The following PCBP3 variants were observed in gnomAD, a reference collection of about 807,000 sequenced individuals.
PCBP3 encodes poly(rC) binding protein 3, also known as poly(rC)-binding protein 3.
PCBP3 carries 25 observed loss-of-function variants against 52.7 expected under a neutral mutation model. The ratio of observed to expected loss-of-function variants is 0.47; its 90% CI spans 0.35 to 0.66. The LOEUF is 0.66. Ranked by LOEUF, PCBP3 falls within the 30% of genes least tolerant of loss-of-function variation. The probability of loss-of-function intolerance (pLI) is 0.01; values close to 1 mark genes in which losing one functional copy is unlikely to be tolerated. For missense variants in PCBP3, 391 were observed against 490.3 expected, an observed-to-expected ratio of 0.80 and a Z score of 1.91; for synonymous variants, 162 against 183.0, an observed-to-expected ratio of 0.89 and a Z score of 0.93.
At chr21:45,806,283 C>A (rs1186297156) in intron 4 of PCBP3, among the ~76,000 whole-genome samples, 1 of 152,128 alleles carries the variant, frequency 6.6e-6, no homozygotes, top group Non-Finnish European at 1.5e-5. Flanking sequence ...GAGACTCGAG[C>A]AGGGTGGGAG....
At chr21:45,739,604 CAG>C (rs2086250978) in intron 3 of PCBP3, among the ~76,000 whole-genome samples, 2 of 48,556 alleles carry the variant, frequency 4.1e-5, no homozygotes, top group African/African-American at 2.6e-4. Context: ...CCATCTTCAT[CAG>C]CCCACCCCTT....
chr21:45,835,455 C>T (rs2093561700), intron 4 of PCBP3, among the ~76,000 whole-genome samples: 1 of 152,158 alleles, frequency 6.6e-6, no homozygotes, highest in African/African-American at 2.4e-5. Context: ...CCCTGCCGGC[C>T]GTCAGCTCCT....
intron 2 of PCBP3, among the ~76,000 whole-genome samples, chr21:45,706,217 A>T (rs2083441225): frequency 6.6e-6 from 1 of 152,198 alleles, no homozygotes; most frequent in Admixed American, 6.5e-5. Context: ...AGCAGTGTCC[A>T]GGTCCCCTAA....
chr21:45,801,287 C>T (rs2092292980), intron 4 of PCBP3, among the ~76,000 whole-genome samples: 1 of 152,246 alleles, frequency 6.6e-6, no homozygotes, highest in Non-Finnish European at 1.5e-5. Context: ...CCTCTGTCCC[C>T]ACTCACAGCC....
At chr21:45,930,382 A>G (rs2076026127) in intron 14 of PCBP3, among the ~76,000 whole-genome samples, 1 of 152,130 alleles carries the variant, frequency 6.6e-6, no homozygotes, top group Non-Finnish European at 1.5e-5. Context: ...GAGCAAGAGC[A>G]CAGCTGACGT....
In PCBP3 at chr21:45,850,108, CTT is replaced by C. The variant is rs1569310489; in HGVS notation, c.10+16_10+17del. On this transcript the variant is annotated intron_variant, in intron 5 of 17. Transcript: ENST00000681687. ...CTTATGGGGGAAGGTGAGTTACTGT[CTT>C]TTGTTTCCATGTTTGTTTGTTTACC... is the stretch of plus-strand genomic sequence containing the variant. 5 of 1,548,184 alleles carry C rather than the reference CTT, an allele frequency of 3.2e-6. No homozygotes were observed.
At chr21:45,826,950 C>A (rs2093324139) in intron 4 of PCBP3, among the ~76,000 whole-genome samples, 1 of 152,026 alleles carries the variant, frequency 6.6e-6, no homozygotes, top group Admixed American at 6.5e-5. Flanking sequence ...TCTGCTTGTA[C>A]CCACCCGTGT....
At chr21:45,824,884 T>C (rs2093266034) in intron 4 of PCBP3, among the ~76,000 whole-genome samples, 1 of 152,236 alleles carries the variant, frequency 6.6e-6, no homozygotes, top group Non-Finnish European at 1.5e-5. Context: ...GGTGTGAGAC[T>C]GTCATCAGCA....
At chr21:45,879,167 T>C (rs959929068) in intron 5 of PCBP3, among the ~76,000 whole-genome samples, 1 of 152,076 alleles carries the variant, frequency 6.6e-6, no homozygotes, top group African/African-American at 2.4e-5. Context: ...AAATTTTTCG[T>C]AGAGATGAGG....
At chr21:45,932,044 A>G (rs548929569) in intron 15 of PCBP3, among the ~76,000 whole-genome samples, 5 of 109,076 alleles carry the variant, frequency 4.6e-5, no homozygotes, top group African/African-American at 1.8e-4. Context: ...AATGAACACA[A>G]CGGTCATGCT....
intron 5 of PCBP3, among the ~76,000 whole-genome samples, chr21:45,860,464 G>A (rs1475501548): frequency 6.6e-6 from 1 of 152,156 alleles, no homozygotes; most frequent in Non-Finnish European, 1.5e-5. Flanking sequence ...ACACGCAGTT[G>A]GGGCTGCAAC....
chr21:45,818,545 T>G lies in PCBP3; in HGVS notation c.-125-31416T>G, dbSNP rs140357796. Among the ~76,000 whole-genome samples the G allele has an allele frequency of 1.4e-4, 21 of 152,304 alleles. No individual in the cohort carries two copies. In the East Asian group the frequency reaches 4.0e-3, roughly 29 times the overall value. On this transcript the variant is annotated intron_variant, in intron 4 of 17. Transcript: ENST00000681687. ...ATAGTTTTGCCATTTGCAGAATGTT[T>G]TGTAAGAAACTGCCACAGTTTTGTA...
intron 5 of PCBP3, among the ~76,000 whole-genome samples, chr21:45,851,415 G>A (rs1174787758): frequency 6.6e-6 from 1 of 152,210 alleles, no homozygotes; most frequent in Admixed American, 6.5e-5. Flanking sequence ...GGGAGGCTGA[G>A]GCAGGAGAAT....
chr21:45,717,518 GTTTT>G (rs967378442), intron 2 of PCBP3, among the ~76,000 whole-genome samples: 2 of 151,978 alleles, frequency 1.3e-5, no homozygotes, highest in African/African-American at 4.8e-5. Context: ...TTTATTCCTA[GTTTT>G]TTTGAGTGTT....
At chr21:45,712,534 C>T (rs550273491) in intron 2 of PCBP3, among the ~76,000 whole-genome samples, 1 of 152,300 alleles carries the variant, frequency 6.6e-6, no homozygotes, top group East Asian at 1.9e-4. Flanking sequence ...ACTGACTCTT[C>T]TGTACCTCTT....
At chr21:45,770,602 A>G (rs2089783622) in intron 4 of PCBP3, among the ~76,000 whole-genome samples, 1 of 152,080 alleles carries the variant, frequency 6.6e-6, no homozygotes, top group African/African-American at 2.4e-5. Context: ...GCGTGCATGT[A>G]TGGACATTTT....
At chr21:45,896,909 A>G (rs1213167334) in intron 6 of PCBP3, among the ~76,000 whole-genome samples, 1 of 118,682 alleles carries the variant, frequency 8.4e-6, no homozygotes, top group Non-Finnish European at 1.7e-5. Context: ...TGCCTGGGCC[A>G]TTGTCTCTGT....
chr21:45,819,489 C>T (rs2093063248), intron 4 of PCBP3, among the ~76,000 whole-genome samples: 1 of 152,224 alleles, frequency 6.6e-6, no homozygotes, highest in South Asian at 2.1e-4. Context: ...GGTGCAGAGA[C>T]CACACCTGGC....
At position 45,678,375 on chromosome 21, in the gene PCBP3, G is replaced by A. The variant is rs2081604435; in HGVS notation, c.-200+9423G>A. Among the ~76,000 whole-genome samples the A allele has an allele frequency of 2.0e-5, 3 of 152,026 alleles. No individual in the cohort carries two copies. In the South Asian group the frequency reaches 6.3e-4, roughly 32 times the overall value. On this transcript the variant is annotated intron_variant, in intron 2 of 17. Coordinates refer to ENST00000681687, the MANE Select transcript of PCBP3 (RefSeq NM_001384156.1). ...TGTAAGGCTATAGCTGCCACAGATG[G>A]TGATTCCTCTGATGGATCTGGGCAA...
Sources: allele counts gnomAD v4.1 joint callset (sites outside exome capture counted in the v4.1 genomes callset), GRCh38; gene constraint gnomAD v4.1.1; transcripts MANE v1.5; gene names NCBI Gene and HGNC (gene_info 2026-07-23, HGNC 2026-07-21).